The following UCHL5 variants were observed in gnomAD, a reference collection of about 807,000 sequenced individuals.
The protein encoded by UCHL5 is ubiquitin C-terminal hydrolase L5.
A neutral mutation model predicts 53.8 loss-of-function variants in UCHL5; 34 were observed. That is an observed-to-expected ratio of 0.63 (90% CI 0.48 to 0.84). The LOEUF (loss-of-function observed/expected upper bound fraction) is 0.84. UCHL5 is among the 40% of genes least tolerant of loss of function. UCHL5 has a pLI of 0.00. For missense variants in UCHL5, 290 were observed against 385.6 expected, an observed-to-expected ratio of 0.75 and a Z score of 2.08; for synonymous variants, 111 against 126.3, an observed-to-expected ratio of 0.88 and a Z score of 0.81.
At chr1:193,042,371 A>G (rs1175298800) in intron 3 of UCHL5, among the ~76,000 whole-genome samples, 1 of 152,176 alleles carries the variant, frequency 6.6e-6, no homozygotes, top group Non-Finnish European at 1.5e-5. Flanking sequence ...TGTTTCTTAA[A>G]ATAATCAAAT....
At chr1:193,023,613 T>C (rs532405537) in intron 8 of UCHL5, among the ~76,000 whole-genome samples, 35 of 152,164 alleles carry the variant, frequency 2.3e-4, no homozygotes, top group Non-Finnish European at 4.9e-4. Flanking sequence ...CTAAGGTAAA[T>C]ACTATTTATT....
chr1:193,051,706 GT>G (rs752363445), intron 2 of UCHL5, 47 bp downstream of exon 2: 1 of 1,141,906 alleles, frequency 8.8e-7, no homozygotes. Flanking sequence ...CTTTAAGTTT[GT>G]TAAAGTATAT....
intron 1 of UCHL5, among the ~76,000 whole-genome samples, chr1:193,052,265 T>A (rs1265767667): frequency 6.6e-6 from 1 of 152,226 alleles, no homozygotes; most frequent in Non-Finnish European, 1.5e-5. Flanking sequence ...CAACTGTATA[T>A]TTTCAACTAC....
intron 10 of UCHL5, among the ~76,000 whole-genome samples, chr1:193,016,843 A>T (rs1655046729): frequency 6.6e-6 from 1 of 151,822 alleles, no homozygotes; most frequent in Admixed American, 6.6e-5. Context: ...TCACTAAAGG[A>T]TTATGTATCC....
rs566013208 is a variant in UCHL5, at chr1:193,025,429, G to T, written c.630-1483C>A. On this transcript the variant is annotated intron_variant, in intron 7 of 10. Transcript: ENST00000367454. Reference sequence around the variant, plus strand: ...GTGGTAATGACAACACCCATTTGTGGTATCAAAGGACACAGAATGGGAAGC... The same window carrying T: ...GTGGTAATGACAACACCCATTTGTGTTATCAAAGGACACAGAATGGGAAGC... 2.0e-5 allele frequency among the ~76,000 whole-genome samples: 3 copies of T among 152,172 alleles called. No homozygotes were observed. The South Asian group carries it at 6.2e-4, about 31-fold the overall frequency.
chr1:193,029,047 A>T, intron 6 of UCHL5, 132 bp downstream of exon 6: 1 of 1,026,654 alleles, frequency 9.7e-7, no homozygotes, highest in Non-Finnish European at 1.4e-6. Flanking sequence ...TGAAGAGCTT[A>T]AGGCCTTCAT....
At chr1:193,050,003 T>C (rs1055257811) in intron 2 of UCHL5, 152 bp from the exon 3 acceptor site, 4 of 600,338 alleles carry the variant, frequency 6.7e-6, no homozygotes, top group Non-Finnish European at 1.1e-5. Flanking sequence ...CCATTCATAG[T>C]TACTAGACTG....
chr1:193,043,154 A>AAAAAAAAAAAAAAAG (rs1558122479), intron 3 of UCHL5, among the ~76,000 whole-genome samples: 1 of 126,882 alleles, frequency 7.9e-6, no homozygotes, highest in Non-Finnish European at 1.6e-5. Flanking sequence ...TGAATATTAA[A>AAAAAAAAAAAAAAAG]AAAAAAAAAA....
chr1:193,045,497 G>A (rs1352873298), intron 3 of UCHL5, among the ~76,000 whole-genome samples: 1 of 152,170 alleles, frequency 6.6e-6, no homozygotes, highest in African/African-American at 2.4e-5. Flanking sequence ...CTCCAGCTCA[G>A]CCATGTGAGA....
In UCHL5 at chr1:193,013,240, T is replaced by C. The variant is rs955121977; in HGVS notation, c.*3111A>G. On this transcript the variant is annotated 3_prime_UTR_variant, in exon 11 of 11. Transcript: ENST00000367454. ...ACTGTTGCAAAAGTGAGCAGTTCCC[T>C]AGGTACACCAATACTGTATGTTTGG... 15 of 152,198 alleles carry C rather than the reference T, an allele frequency of 9.9e-5. No homozygotes were observed. Among genetic ancestry groups the C allele is most frequent in the Non-Finnish European group, 2.9e-5 (2 of 68,026 alleles). 9.4% of individuals were successfully genotyped at this position (152,198 alleles called of 1,614,324 possible).
chr1:193,038,472 CCA>C (rs1417644977), intron 3 of UCHL5, among the ~76,000 whole-genome samples: 3 of 144,144 alleles, frequency 2.1e-5, no homozygotes, highest in Admixed American at 1.4e-4. Context: ...AAAAAAAAAA[CCA>C]CAGTCTTTCC....
chr1:193,041,412 C>G (rs1237480381), intron 3 of UCHL5, among the ~76,000 whole-genome samples: 1 of 152,028 alleles, frequency 6.6e-6, no homozygotes, highest in Non-Finnish European at 1.5e-5. Context: ...GAGACATAAG[C>G]CAAGACAAAA....
In UCHL5 at chr1:193,015,794, C is replaced by G. The variant is rs956294599; in HGVS notation, c.*557G>C. On this transcript the variant is annotated 3_prime_UTR_variant, in exon 11 of 11. Transcript: ENST00000367454. ...TAAAATTGAGATGTTTATTACTTTTCTACTGACAGCAGTGAAAATCACTGG... is the reference window on the plus strand; with the variant it reads ...TAAAATTGAGATGTTTATTACTTTTGTACTGACAGCAGTGAAAATCACTGG... 6.6e-6 allele frequency: 1 copy of G among 152,066 alleles called. No individual in the cohort carries two copies. Among genetic ancestry groups the G allele is most frequent in the African/African-American group, 2.4e-5 (1 of 41,440 alleles). The allele number at this position is 152,066 out of a possible 1,614,324, so 9.4% of individuals were successfully genotyped here.
chr1:193,039,329 GAACC>G (rs1275160328), intron 3 of UCHL5, among the ~76,000 whole-genome samples: 1 of 152,150 alleles, frequency 6.6e-6, no homozygotes, highest in Non-Finnish European at 1.5e-5. Context: ...AGAATAGCTT[GAACC>G]TGGGAGGCAA....
intron 3 of UCHL5, among the ~76,000 whole-genome samples, chr1:193,043,584 T>C (rs531356757): frequency 6.6e-6 from 1 of 151,954 alleles, no homozygotes; most frequent in Admixed American, 6.6e-5. Context: ...TGCCTAAGAG[T>C]CTTTGTTTAC....
chr1:193,046,246 G>A (rs961810532), intron 3 of UCHL5, among the ~76,000 whole-genome samples: 5 of 151,750 alleles, frequency 3.3e-5, no homozygotes, highest in African/African-American at 1.2e-4. Context: ...GCCCAGGCTG[G>A]TCTCAAACTC....
At chr1:193,019,976 T>C (rs1035572881) in intron 10 of UCHL5, 5 of 984,188 alleles carry the variant, frequency 5.1e-6, no homozygotes, top group Non-Finnish European at 3.6e-6. Context: ...TAACATCATA[T>C]CTAGGTATTC....
intron 3 of UCHL5, among the ~76,000 whole-genome samples, chr1:193,043,176 A>AAAAAAAAAAAAAAAC (rs67065822): frequency 2.1e-5 from 3 of 141,616 alleles, no homozygotes; most frequent in African/African-American, 5.3e-5. Flanking sequence ...AAAAAAAAAA[A>AAAAAAAAAAAAAAAC]CCACCTATTT....
chr1:193,022,904 G>A (rs778327304), intron 9 of UCHL5, 22 bp downstream of exon 9: 14 of 1,522,824 alleles, frequency 9.2e-6, no homozygotes, highest in Non-Finnish European at 1.3e-5. Context: ...AACATTAAAG[G>A]AACACATTTT....
Sources: allele counts gnomAD v4.1 joint callset (sites outside exome capture counted in the v4.1 genomes callset), GRCh38; gene constraint gnomAD v4.1.1; transcripts MANE v1.5; gene names NCBI Gene and HGNC (gene_info 2026-07-23, HGNC 2026-07-21).